Variants in GPR39 observed in about 807,000 individuals in gnomAD.
GPR39 encodes G protein-coupled receptor 39, also known as zinc sensing receptor.
A neutral mutation model predicts 18.4 loss-of-function variants in GPR39; 23 were observed. The observed-to-expected ratio is 1.25, with a 90% CI of 0.90 to 1.77. The LOEUF (loss-of-function observed/expected upper bound fraction) is 1.77. GPR39 is among the 40% of genes most tolerant of loss of function. The probability of loss-of-function intolerance (pLI) is 0.00; values close to 1 mark genes in which losing one functional copy is unlikely to be tolerated. For missense variants in GPR39, 647 were observed against 602.4 expected, an observed-to-expected ratio of 1.07 and a Z score of -0.78; for synonymous variants, 280 against 257.9, an observed-to-expected ratio of 1.09 and a Z score of -0.82.
In GPR39 at chr2:132,588,295, A is replaced by C. The variant is rs141175254; in HGVS notation, c.857-56806A>C. Among the ~76,000 whole-genome samples the C allele has an allele frequency of 4.4e-3, 663 of 152,230 alleles. 6 individuals carry two copies. Among genetic ancestry groups the C allele is most frequent in the Middle Eastern group, 0.037 (11 of 294 alleles). ...CTTCTCCCTTCTCAGCAGAAGTAAGAGCTCTGTATCCCTTGGTGGGAGGGA... is the reference window on the plus strand; with the variant it reads ...CTTCTCCCTTCTCAGCAGAAGTAAGCGCTCTGTATCCCTTGGTGGGAGGGA... On this transcript the variant is annotated intron_variant, in intron 1 of 1. Transcript: ENST00000329321.
intron 1 of GPR39, among the ~76,000 whole-genome samples, chr2:132,530,692 TC>T (rs1679601384): frequency 6.6e-6 from 1 of 152,200 alleles, no homozygotes; most frequent in African/African-American, 2.4e-5. Flanking sequence ...GAGTGGGGGC[TC>T]ATATTCAACA....
Position 132,417,590 on chromosome 2 carries a change from T to C in GPR39, c.548T>C (p.Val183Ala), listed in dbSNP as rs1470586800. Reference protein sequence around the residue: ...AMGTEYPLVNVPSHRGLTCNR... With the variant: ...AMGTEYPLVNAPSHRGLTCNR... Reference sequence around the variant, plus strand: ...GGTACTGAGTACCCCCTGGTGAACGTGCCCAGCCACCGGGGTCTCACTTGC... The same window carrying C: ...GGTACTGAGTACCCCCTGGTGAACGCGCCCAGCCACCGGGGTCTCACTTGC... Residue 183 changes from valine (V) to alanine (A), a missense_variant, in exon 1 of 2, where the codon GTG (valine) becomes GCG (alanine). Transcript: ENST00000329321. The C allele has an allele frequency of 6.2e-7, 1 of 1,614,092 alleles. No homozygotes were observed. The highest frequency in any genetic ancestry group is 1.3e-5 in the African/African-American group (1 of 75,018).
chr2:132,580,474 T>C (rs778354811), intron 1 of GPR39, among the ~76,000 whole-genome samples: 25 of 152,222 alleles, frequency 1.6e-4, no homozygotes, highest in East Asian at 3.8e-4. Flanking sequence ...AGAAACATCA[T>C]CTTTAGAAAG....
chr2:132,425,712 G>T (rs182358327), intron 1 of GPR39, among the ~76,000 whole-genome samples: 2 of 152,294 alleles, frequency 1.3e-5, no homozygotes, highest in East Asian at 3.9e-4. Flanking sequence ...GGGTCTAGAG[G>T]TCAGAGGCAG....
chr2:132,583,219 C>T (rs1680659934), intron 1 of GPR39, among the ~76,000 whole-genome samples: 3 of 152,016 alleles, frequency 2.0e-5, no homozygotes. Flanking sequence ...GTAGTACCTA[C>T]TGTTTCATGA....
At chr2:132,495,019 C>T (rs1032569443) in intron 1 of GPR39, among the ~76,000 whole-genome samples, 3 of 152,062 alleles carry the variant, frequency 2.0e-5, no homozygotes, top group Admixed American at 2.0e-4. Context: ...TGATCCCCAG[C>T]CCTAGCGGGT....
At chr2:132,570,739 CCCT>C (rs1573673847) in intron 1 of GPR39, among the ~76,000 whole-genome samples, 1 of 152,266 alleles carries the variant, frequency 6.6e-6, no homozygotes, top group East Asian at 1.9e-4. Context: ...TCTGAATCTG[CCCT>C]CCCCAGGGGC....
intron 1 of GPR39, among the ~76,000 whole-genome samples, chr2:132,563,018 A>C (rs1048868208): frequency 1.3e-5 from 2 of 152,234 alleles, no homozygotes; most frequent in African/African-American, 4.8e-5. Flanking sequence ...GTTTGCTGCC[A>C]CAGGGAAGGT....
chr2:132,577,711 C>CT (rs1257909535), intron 1 of GPR39, among the ~76,000 whole-genome samples: 1 of 152,064 alleles, frequency 6.6e-6, no homozygotes. Context: ...AAATGCAGTA[C>CT]TTTTTTTGTG....
intron 1 of GPR39, among the ~76,000 whole-genome samples, chr2:132,597,842 T>C (rs1013379699): frequency 2.0e-5 from 3 of 152,124 alleles, no homozygotes; most frequent in Non-Finnish European, 2.9e-5. Flanking sequence ...TAGGCAGAAA[T>C]TCAAAGTCCA....
At chr2:132,422,903 C>T (rs1680041656) in intron 1 of GPR39, among the ~76,000 whole-genome samples, 1 of 151,966 alleles carries the variant, frequency 6.6e-6, no homozygotes, top group Non-Finnish European at 1.5e-5. Flanking sequence ...CATCTGTCAG[C>T]CTCCTGGGGG....
intron 1 of GPR39, among the ~76,000 whole-genome samples, chr2:132,589,855 A>G (rs1680797809): frequency 6.6e-6 from 1 of 152,144 alleles, no homozygotes; most frequent in South Asian, 2.1e-4. Flanking sequence ...TATCTCAGTG[A>G]TGAGTTTGAG....
intron 1 of GPR39, among the ~76,000 whole-genome samples, chr2:132,453,773 C>G (rs1468300031): frequency 4.6e-5 from 7 of 152,124 alleles, no homozygotes; most frequent in Admixed American, 6.5e-5. Flanking sequence ...TCAGGTTGGT[C>G]AAAGATCAGA....
intron 1 of GPR39, among the ~76,000 whole-genome samples, chr2:132,554,046 C>T (rs1680102539): frequency 6.6e-6 from 1 of 152,206 alleles, no homozygotes; most frequent in Non-Finnish European, 1.5e-5. Flanking sequence ...CTCCCTCATT[C>T]ATGCTGCAGA....
At chr2:132,459,284 C>G (rs1470941073) in intron 1 of GPR39, among the ~76,000 whole-genome samples, 2 of 152,174 alleles carry the variant, frequency 1.3e-5, no homozygotes, top group African/African-American at 4.8e-5. Context: ...GCTACCATAT[C>G]CAGGTGGGAA....
At chr2:132,525,866 A>T (rs377013445) in intron 1 of GPR39, among the ~76,000 whole-genome samples, 3 of 152,170 alleles carry the variant, frequency 2.0e-5, no homozygotes, top group African/African-American at 7.2e-5. Flanking sequence ...CTGGGGCCCA[A>T]AAAAGGGGGT....
At chr2:132,427,271 A>T (rs1008200495) in intron 1 of GPR39, among the ~76,000 whole-genome samples, 3 of 145,994 alleles carry the variant, frequency 2.1e-5, no homozygotes, top group Non-Finnish European at 4.5e-5. Context: ...TTCATGCCAT[A>T]CTCCTGCCTC....
rs539485356 is a variant in GPR39 at position 132,567,880 on chromosome 2, T to C, written c.857-77221T>C. ...ATCTGATGGTTTTAAAAAGGGGAGT[T>C]TCCCTACACAAGCGCTCTTCTCTTG... is the stretch of plus-strand genomic sequence containing the variant. On this transcript the variant is annotated intron_variant, in intron 1 of 1. Coordinates refer to ENST00000329321, the MANE Select transcript of GPR39 (RefSeq NM_001508.3). 9.1e-3 allele frequency among the ~76,000 whole-genome samples: 1,388 copies of C among 151,870 alleles called. 22 individuals carry two copies. The highest frequency in any genetic ancestry group is 0.03 in the African/African-American group (1,217 of 41,166).
intron 1 of GPR39, among the ~76,000 whole-genome samples, chr2:132,616,344 A>G (rs528078507): frequency 1.3e-5 from 2 of 152,218 alleles, no homozygotes; most frequent in South Asian, 4.1e-4. Context: ...CCAGCATCCT[A>G]TATTCATTGA....
Sources: gnomAD v4.1 joint callset for allele counts (sites outside exome capture counted in the v4.1 genomes callset) on GRCh38, gnomAD v4.1.1 for gene constraint, MANE v1.5 for transcripts, NCBI Gene and HGNC (gene_info 2026-07-23, HGNC 2026-07-21) for gene names.